The following MIPEP variants were observed in gnomAD, a reference collection of about 807,000 sequenced individuals.
MIPEP encodes mitochondrial intermediate peptidase.
Under a neutral mutation model 90.3 loss-of-function variants are expected in MIPEP, and 79 were observed. That is an observed-to-expected ratio of 0.87 (90% CI 0.73 to 1.05). MIPEP has a LOEUF of 1.05. Ranked by LOEUF, MIPEP falls within the 50% of genes least tolerant of loss-of-function variation. The pLI is 0.00. For missense variants in MIPEP, 940 were observed against 905.6 expected (o/e 1.04, Z -0.49); for synonymous variants, 334 against 315.8 (o/e 1.06, Z -0.61).
chr13:23,873,069 T>C (rs534075375), intron 5 of MIPEP, among the ~76,000 whole-genome samples: 1 of 152,312 alleles, frequency 6.6e-6, no homozygotes, highest in East Asian at 1.9e-4. Flanking sequence ...GCCACATGAC[T>C]GAAATAAGTA....
At chr13:23,785,122 A>T (rs1433017370) in intron 16 of MIPEP, among the ~76,000 whole-genome samples, 1 of 152,176 alleles carries the variant, frequency 6.6e-6, no homozygotes, top group African/African-American at 2.4e-5. Context: ...CATTTGACCC[A>T]GCCATCCCAT....
chr13:23,847,293 T>A lies in MIPEP; in HGVS notation c.1107-5805A>T, dbSNP rs974984313. On this transcript the variant is annotated intron_variant, in intron 10 of 18. Coordinates refer to ENST00000382172, the MANE Select transcript of MIPEP (RefSeq NM_005932.4). ...ATTGACTCCTACGGCAGCCTAACAG[T>A]GAACAAAGATTGAGAACGATCAATT... is the stretch of plus-strand genomic sequence containing the variant. Among the ~76,000 whole-genome samples, 9 of 151,878 alleles carry A rather than the reference T, an allele frequency of 5.9e-5. No homozygotes were observed. The South Asian group carries it at 1.9e-3, about 32-fold the overall frequency.
intron 16 of MIPEP, among the ~76,000 whole-genome samples, chr13:23,798,179 T>C (rs55957747): frequency 6.6e-6 from 1 of 152,220 alleles, no homozygotes; most frequent in Non-Finnish European, 1.5e-5. Context: ...ACTATTTTAA[T>C]TGGGATTTGA....
At chr13:23,784,619 A>C (rs1365733070) in intron 16 of MIPEP, among the ~76,000 whole-genome samples, 1 of 152,226 alleles carries the variant, frequency 6.6e-6, no homozygotes, top group Admixed American at 6.5e-5. Flanking sequence ...AATGGCAACA[A>C]AAGCCAAAAT....
chr13:23,834,960 A>G (rs998025309), intron 14 of MIPEP, among the ~76,000 whole-genome samples: 1 of 152,172 alleles, frequency 6.6e-6, no homozygotes, highest in Admixed American at 6.5e-5. Flanking sequence ...TGCCACCGTA[A>G]TAACTGAAAT....
intron 16 of MIPEP, among the ~76,000 whole-genome samples, chr13:23,772,317 T>TAAC (rs61483736): frequency 3.3e-5 from 5 of 151,570 alleles, no homozygotes; most frequent in African/African-American, 7.3e-5. Flanking sequence ...AATTTTTTTT[T>TAAC]AACAACAACA....
intron 14 of MIPEP, among the ~76,000 whole-genome samples, chr13:23,831,850 G>C (rs867310576): frequency 6.6e-6 from 1 of 152,194 alleles, no homozygotes; most frequent in African/African-American, 2.4e-5. Context: ...TCAAGGGGCA[G>C]GCTATTAGAC....
At chr13:23,760,409 C>T in intron 16 of MIPEP, 192 bp from the exon 17 acceptor site, 2 of 791,178 alleles carry the variant, frequency 2.5e-6, no homozygotes, top group Non-Finnish European at 2.2e-6. Context: ...ACTGTGTCTC[C>T]TGAAAATTCA....
intron 18 of MIPEP, among the ~76,000 whole-genome samples, chr13:23,734,994 A>C (rs1025620100): frequency 6.6e-6 from 1 of 152,246 alleles, no homozygotes; most frequent in African/African-American, 2.4e-5. Flanking sequence ...CCACCCAAAC[A>C]TGGCGATTCC....
intron 18 of MIPEP, among the ~76,000 whole-genome samples, chr13:23,746,189 T>A (rs1952381395): frequency 1.3e-5 from 2 of 151,140 alleles, no homozygotes; most frequent in Non-Finnish European, 2.9e-5. Context: ...AATTTCTGTA[T>A]TTTTAGTACA....
chr13:23,853,548 A>G (rs565570003), intron 10 of MIPEP, among the ~76,000 whole-genome samples: 24 of 150,612 alleles, frequency 1.6e-4, no homozygotes, highest in South Asian at 4.2e-4. Context: ...CAATGACAAA[A>G]GTGCCTAACG....
At chr13:23,852,089 T>C (rs1869822718) in intron 10 of MIPEP, among the ~76,000 whole-genome samples, 2 of 152,158 alleles carry the variant, frequency 1.3e-5, no homozygotes, top group Non-Finnish European at 2.9e-5. Flanking sequence ...CAACTGTTGC[T>C]GATAATATGA....
intron 16 of MIPEP, among the ~76,000 whole-genome samples, chr13:23,787,405 GGAGAGAGA>G (rs59011010): frequency 1.0e-4 from 14 of 137,066 alleles, no homozygotes; most frequent in African/African-American, 3.1e-4. Flanking sequence ...ACGGGGAGAG[GGAGAGAGA>G]GAGAGAGAGA....
intron 18 of MIPEP, among the ~76,000 whole-genome samples, chr13:23,739,735 G>C (rs369086767): frequency 2.0e-5 from 3 of 152,284 alleles, no homozygotes; most frequent in Admixed American, 6.5e-5. Flanking sequence ...CCCTGTGCAC[G>C]GCAGCAAGCA....
rs537340068 is a variant in MIPEP, at chr13:23,734,099, T to C, written c.2045-3654A>G. 1.8e-4 allele frequency among the ~76,000 whole-genome samples: 27 copies of C among 152,348 alleles called. 2 individuals carry two copies. In the South Asian group the frequency reaches 5.6e-3, roughly 32 times the overall value. ...AATCAGGTTTCATGCATTCCCTATG[T>C]GCCAGGTTTCTTGATACAGAGAACA... On this transcript the variant is annotated intron_variant, in intron 18 of 18. Coordinates refer to ENST00000382172, the MANE Select transcript of MIPEP (RefSeq NM_005932.4).
At chr13:23,775,846 T>C (rs1485988646) in intron 16 of MIPEP, among the ~76,000 whole-genome samples, 1 of 152,194 alleles carries the variant, frequency 6.6e-6, no homozygotes, top group African/African-American at 2.4e-5. Flanking sequence ...ATCAGCATAA[T>C]GGGTCTGCTA....
At chr13:23,870,769 T>C (rs888977476) in intron 5 of MIPEP, among the ~76,000 whole-genome samples, 20 of 152,018 alleles carry the variant, frequency 1.3e-4, no homozygotes, top group African/African-American at 4.8e-4. Flanking sequence ...CGCACCACTG[T>C]ACTCCAGCCT....
In MIPEP at chr13:23,748,070, T is replaced by G. The variant is rs182129424; in HGVS notation, c.2044+8475A>C. 7.0e-3 allele frequency among the ~76,000 whole-genome samples: 1,072 copies of G among 152,160 alleles called. 19 individuals carry two copies. Among genetic ancestry groups the G allele is most frequent in the African/African-American group, 0.025 (1,033 of 41,504 alleles). On this transcript the variant is annotated intron_variant, in intron 18 of 18. Transcript: ENST00000382172. The stretch of plus-strand genomic sequence containing the variant: ...GTTTTGTTTTGAGCTGGAGTCTCCT[T>G]CTGTTACCCAGGCTGGAGTGAGTGC...
At chr13:23,802,018 A>G (rs974547616) in intron 16 of MIPEP, among the ~76,000 whole-genome samples, 7 of 152,138 alleles carry the variant, frequency 4.6e-5, no homozygotes, top group Non-Finnish European at 7.3e-5. Context: ...GTCCATATTC[A>G]GATTTCACAG....
Sources: allele counts gnomAD v4.1 joint callset (sites outside exome capture counted in the v4.1 genomes callset), GRCh38; gene constraint gnomAD v4.1.1; transcripts MANE v1.5; gene names NCBI Gene and HGNC (gene_info 2026-07-23, HGNC 2026-07-21).